The following CSK variants were observed in gnomAD, a reference collection of about 807,000 sequenced individuals.
CSK encodes tyrosine-protein kinase CSK.
Under a neutral mutation model 62.3 loss-of-function variants are expected in CSK, and 7 were observed. The observed-to-expected ratio is 0.11, with a 90% CI of 0.06 to 0.21. The LOEUF (loss-of-function observed/expected upper bound fraction) is 0.21. CSK is among the 10% of genes least tolerant of loss of function. The probability of loss-of-function intolerance (pLI) is 1.00; values close to 1 mark genes in which losing one functional copy is unlikely to be tolerated. For synonymous variants in CSK, 237 were observed against 246.0 expected (o/e 0.96, Z 0.34); for missense variants, 294 against 613.5 (o/e 0.48, Z 5.50).
chr15:74,785,711 G>T (rs1478498471), intron 1 of CSK, among the ~76,000 whole-genome samples: 2 of 152,206 alleles, frequency 1.3e-5, no homozygotes, highest in Non-Finnish European at 2.9e-5. Context: ...TGGGGAAGGT[G>T]CCTGAGCCAC....
intron 1 of CSK, among the ~76,000 whole-genome samples, chr15:74,795,951 C>T (rs943897813): frequency 5.3e-5 from 8 of 152,182 alleles, no homozygotes; most frequent in African/African-American, 1.7e-4. Context: ...GGTGCAGTGG[C>T]TCACACCTGT....
At chr15:74,796,381 G>C (rs968341833) in intron 1 of CSK, among the ~76,000 whole-genome samples, 12 of 152,074 alleles carry the variant, frequency 7.9e-5, no homozygotes, top group South Asian at 2.1e-4. Flanking sequence ...AGAGGTGGAG[G>C]CGGAGGAGGT....
At chr15:74,788,973 G>C (rs1429049842) in intron 1 of CSK, among the ~76,000 whole-genome samples, 1 of 152,186 alleles carries the variant, frequency 6.6e-6, no homozygotes, top group Non-Finnish European at 1.5e-5. Flanking sequence ...CTCCTGAGCG[G>C]TAATTAGAAA....
intron 1 of CSK, among the ~76,000 whole-genome samples, chr15:74,796,890 A>G (rs376709660): frequency 2.0e-5 from 3 of 152,122 alleles, no homozygotes; most frequent in Non-Finnish European, 4.4e-5. Flanking sequence ...GAATTACATA[A>G]TATGTACTTT....
In CSK at chr15:74,798,655, A is replaced by G. The variant is rs2063743024; in HGVS notation, c.56A>G (p.Asn19Ser). ...GGTACAGAATGTATTGCCAAGTACA[A>G]CTTCCACGGCACTGCCGAGCAGGAC... ...PSGTECIAKYNFHGTAEQDLP... is the reference protein window; with the variant it reads ...PSGTECIAKYSFHGTAEQDLP... Residue 19 changes from asparagine to serine, a missense_variant, in exon 3 of 13, where the codon AAC becomes AGC. Asn to Ser is a conservative substitution (Grantham distance 46). Transcript: ENST00000220003. The surrounding 1 kb of genome is among the most constrained non-coding windows in gnomAD (Gnocchi z 6.6). 1.2e-6 allele frequency: 2 copies of G among 1,613,692 alleles called. No homozygotes were observed. Among genetic ancestry groups the G allele is most frequent in the Non-Finnish European group, 1.7e-6 (2 of 1,180,044 alleles).
At chr15:74,791,486 CTT>C (rs1455958251) in intron 1 of CSK, among the ~76,000 whole-genome samples, 3 of 152,090 alleles carry the variant, frequency 2.0e-5, no homozygotes. Flanking sequence ...GCGTGTATCT[CTT>C]ATATAATCAC....
chr15:74,785,246 G>A (rs1196821524), intron 1 of CSK, among the ~76,000 whole-genome samples: 1 of 152,112 alleles, frequency 6.6e-6, no homozygotes, highest in Non-Finnish European at 1.5e-5. Context: ...CTGCGTCTGT[G>A]GGCATTTTCT....
chr15:74,786,388 A>T (rs558864803), intron 1 of CSK, among the ~76,000 whole-genome samples: 1 of 152,188 alleles, frequency 6.6e-6, no homozygotes, highest in East Asian at 1.9e-4. Context: ...ATTTTCCCAG[A>T]GGAAATAGAG....
intron 1 of CSK, among the ~76,000 whole-genome samples, chr15:74,795,672 C>CT (rs1294119346): frequency 6.6e-6 from 1 of 152,100 alleles, no homozygotes; most frequent in East Asian, 1.9e-4. Context: ...GCTAGGGTAG[C>CT]TTTTTTGGGG....
intron 1 of CSK, chr15:74,790,999 G>A (rs2063612049): frequency 6.6e-6 from 1 of 152,224 alleles, no homozygotes; most frequent in South Asian, 2.1e-4. Flanking sequence ...GGTAATAGAT[G>A]CATGTGGCTT....
chr15:74,787,038 A>C (rs1304486002), intron 1 of CSK, among the ~76,000 whole-genome samples: 1 of 152,206 alleles, frequency 6.6e-6, no homozygotes, highest in Non-Finnish European at 1.5e-5. Context: ...GGCCTGGCTC[A>C]GATGAGAGCC....
chr15:74,799,297 G>A lies in CSK; in HGVS notation c.268G>A (p.Glu90Lys). 6.2e-7 allele frequency: 1 copy of A among 1,611,148 alleles called. No individual in the cohort carries two copies. The highest frequency in any genetic ancestry group is 8.5e-7 in the Non-Finnish European group (1 of 1,179,700). ...TTGGTTCCACGGCAAGATCACACGG[G>A]AGCAGGCTGAGCGGCTTCTGTACCC... ...MPWFHGKITR[E>K]QAERLLYPPE... Residue 90 changes from glutamate to lysine, a missense_variant, in exon 5 of 13, where the codon GAG becomes AAG. By Grantham distance (56) the Glu-to-Lys change is moderately conservative. Transcript: ENST00000220003.
rs1232728038 is a variant in CSK, at chr15:74,786,000, C to CTTTTTTTTTTTTTTTTTTTTTTTT, written c.-66+3281_-66+3282insTTTTTTTTTTTTTTTTTTTTTTTT. Reference sequence around the variant, plus strand: ...CAAGGCCTCTTCTCTCTCTCTCTCTCTCTTTTTTTTTTTTGTGTGTGTGTG... The same window carrying CTTTTTTTTTTTTTTTTTTTTTTTT: ...CAAGGCCTCTTCTCTCTCTCTCTCTCTTTTTTTTTTTTTTTTTTTTTTTTTCTTTTTTTTTTTTGTGTGTGTGTG... On this transcript the variant is annotated intron_variant, in intron 1 of 12. Coordinates refer to ENST00000220003, the MANE Select transcript of CSK (RefSeq NM_004383.3). Among the ~76,000 whole-genome samples the CTTTTTTTTTTTTTTTTTTTTTTTT allele has an allele frequency of 8.3e-5, 5 of 59,938 alleles. 2 individuals are homozygous for CTTTTTTTTTTTTTTTTTTTTTTTT. The highest frequency in any genetic ancestry group is 1.5e-4 in the Non-Finnish European group (4 of 27,464). 39.3% of individuals were successfully genotyped at this position (59,938 alleles called of 152,430 possible). A position where few individuals can be genotyped will look rare whatever the true frequency, so the allele number is the denominator to read the frequency against.
In CSK at chr15:74,798,030, TC is replaced by T. The variant is rs755380120; in HGVS notation, c.-65-200del. 9.5e-6 allele frequency: 4 copies of T among 422,376 alleles called. No individual in the cohort carries two copies. Among genetic ancestry groups the T allele is most frequent in the Non-Finnish European group, 1.7e-5 (4 of 234,492 alleles). 26.2% of individuals were successfully genotyped at this position (422,376 alleles called of 1,614,324 possible). ...CCCCTGTGGCCTTAGGGTTGGTGGC[TC>T]CCTCTGCCCCTGGGGGTCCTCAGCC... On this transcript the variant is annotated intron_variant, in intron 1 of 12. Transcript: ENST00000220003. This position sits in a 1 kb window ranked among gnomAD's most constrained non-coding sequence, Gnocchi z 6.6.
rs577903956 is a variant in CSK at position 74,799,183 on chromosome 15, G to A, written c.243-89G>A. The A allele has an allele frequency of 1.7e-5, 24 of 1,380,542 alleles. 1 individual carries two copies. The highest frequency in any genetic ancestry group is 1.2e-4 in the Admixed American group (6 of 49,220). The allele number at this position is 1,380,542 out of a possible 1,614,324, so 85.5% of individuals were successfully genotyped here. The stretch of plus-strand genomic sequence containing the variant: ...GCCTGACTGAGCGAGTGCGAGCCAC[G>A]GGTGCCAAGCAGAGGGAACCCCTTC... On this transcript the variant is annotated intron_variant, in intron 4 of 12. Coordinates refer to ENST00000220003, the MANE Select transcript of CSK (RefSeq NM_004383.3).
intron 1 of CSK, among the ~76,000 whole-genome samples, chr15:74,785,267 C>T (rs1016492876): frequency 3.3e-5 from 5 of 152,092 alleles, no homozygotes; most frequent in African/African-American, 7.2e-5. Context: ...CATGGTGCTA[C>T]GCGGTCTAAG....
chr15:74,795,419 C>T (rs1449204220), intron 1 of CSK, among the ~76,000 whole-genome samples: 1 of 152,206 alleles, frequency 6.6e-6, no homozygotes, highest in Non-Finnish European at 1.5e-5. Flanking sequence ...GCCTAGCCCC[C>T]AGACCTCATC....
chr15:74,802,273 G>C, intron 12 of CSK, 58 bp from the exon 13 acceptor site: 2 of 1,502,800 alleles, frequency 1.3e-6, no homozygotes, highest in Non-Finnish European at 8.9e-7. Context: ...AGGCTGCTGG[G>C]TAGGTGTCCT....
At chr15:74,802,130 G>C in intron 12 of CSK, 47 bp downstream of exon 12, 1 of 1,585,398 alleles carries the variant, frequency 6.3e-7, no homozygotes. Flanking sequence ...GCACCGGAGG[G>C]GTTGGCAGGG....
Sources: gnomAD v4.1 joint callset for allele counts (sites outside exome capture counted in the v4.1 genomes callset) on GRCh38, gnomAD v4.1.1 for gene constraint, Gnocchi (gnomAD v3.1) non-coding constraint, MANE v1.5 for transcripts, NCBI Gene and HGNC (gene_info 2026-07-23, HGNC 2026-07-21) for gene names.